Variants in ANK3 observed in about 807,000 individuals in gnomAD.
ANK3 encodes the protein ankyrin 3, also known as ankyrin-3.
ANK3 carries 57 observed loss-of-function variants against 370.9 expected under a neutral mutation model. The ratio of observed to expected loss-of-function variants is 0.15; its 90% CI spans 0.12 to 0.19. The LOEUF is 0.19. ANK3 is among the 10% of genes least tolerant of loss of function. ANK3 has a pLI of 1.00. For synonymous variants in ANK3, 1,929 were observed against 1,946.3 expected, an observed-to-expected ratio of 0.99 and a Z score of 0.23; for missense variants, 4,439 against 5,302.1, an observed-to-expected ratio of 0.84 and a Z score of 5.06.
intron 1 of ANK3, chr10:60,300,370 A>G (rs10994296): frequency 0.08 from 103,715 of 1,289,576 alleles, 6,409 homozygotes; most frequent in Admixed American, 0.3. Context: ...GTGGCCAAGT[A>G]AGAAACCTGA....
chr10:60,234,727 T>C lies in ANK3; in HGVS notation c.858A>G (p.Leu286=), dbSNP rs2097302549. 2.5e-6 allele frequency: 4 copies of C among 1,613,682 alleles called. No individual in the cohort carries two copies. In the Middle Eastern group the frequency reaches 5.0e-4, roughly 200 times the overall value. The change falls in exon 8 of 44, where the codon CTA becomes CTG. Residue 286 remains leucine (L), a synonymous_variant. Coordinates refer to ENST00000280772, the MANE Select transcript of ANK3 (RefSeq NM_020987.5). ...SKRGNANMVK[L]LLDRGAKIDA... is the part of the protein sequence containing the mutation. ...CGATTTTAGCTCCTCGATCGAGCAA[T>C]AGTTTTACCATATTTGCATTTCCTC...
intron 23 of ANK3, among the ~76,000 whole-genome samples, chr10:60,152,544 A>T (rs2095177735): frequency 6.6e-6 from 1 of 152,218 alleles, no homozygotes; most frequent in African/African-American, 2.4e-5. Context: ...CATATCACAC[A>T]GGACTTACTA....
intron 1 of ANK3, among the ~76,000 whole-genome samples, chr10:60,327,722 A>G (rs1033314481): frequency 6.6e-6 from 1 of 152,136 alleles, no homozygotes; most frequent in Admixed American, 6.6e-5. Context: ...TAAAACCTAA[A>G]AGATGCCCTT....
intron 1 of ANK3, among the ~76,000 whole-genome samples, chr10:60,350,418 A>G (rs1055918868): frequency 6.6e-6 from 1 of 152,204 alleles, no homozygotes; most frequent in Non-Finnish European, 1.5e-5. Context: ...AAGCTCAAGC[A>G]ATATGGGGTC....
intron 2 of ANK3, among the ~76,000 whole-genome samples, chr10:60,583,511 G>GTTTTTTTTTTTTTTTTTTTTTTTTTTT (rs750384975): frequency 2.0e-5 from 2 of 100,076 alleles, no homozygotes. Flanking sequence ...GAGGTTTTTT[G>GTTTTTTTTTTTTTTTTTTTTTTTTTTT]TTTTTTGTTT....
intron 2 of ANK3, among the ~76,000 whole-genome samples, chr10:60,534,435 G>C (rs551712158): frequency 9.8e-4 from 149 of 152,164 alleles, no homozygotes; most frequent in African/African-American, 3.4e-3. Context: ...CAACTACACG[G>C]TAAAAGATAA....
rs1279986156 is a variant in ANK3, at chr10:60,447,201, GGAA to G, written c.97-167565_97-167563del. ...AAGACTAGAGGGCTTCCCTCAGAGA[GGAA>G]GAAGAAGAAACCCCATAAGAAAAAT... is the stretch of plus-strand genomic sequence containing the variant. On this transcript the variant is annotated intron_variant, in intron 2 of 43. Transcript: ENST00000373827. Among the ~76,000 whole-genome samples the G allele has an allele frequency of 4.6e-5, 7 of 152,220 alleles. No individual in the cohort carries two copies. In the East Asian group the frequency reaches 1.2e-3, roughly 25 times the overall value.
chr10:60,027,105 A>C lies in ANK3; in HGVS notation c.*2741T>G, dbSNP rs1235383621. 1 of 152,114 alleles carries C rather than the reference A, an allele frequency of 6.6e-6. No individual in the cohort carries two copies. Among genetic ancestry groups the C allele is most frequent in the Non-Finnish European group, 1.5e-5 (1 of 68,024 alleles). The allele number at this position is 152,114 out of a possible 1,614,324, so 9.4% of individuals were successfully genotyped here. On this transcript the variant is annotated 3_prime_UTR_variant, in exon 44 of 44. Transcript: ENST00000280772. ...ACCAAAGCATATCACATATACCTAA[A>C]GTCAAATTTTTGGGCATATAAACAC... is the stretch of plus-strand genomic sequence containing the variant.
intron 1 of ANK3, among the ~76,000 whole-genome samples, chr10:60,344,828 T>G (rs2055060713): frequency 6.6e-6 from 1 of 152,220 alleles, no homozygotes; most frequent in African/African-American, 2.4e-5. Context: ...ATTCACTCTG[T>G]GATCTGCAAA....
chr10:60,410,405 G>C (rs2063535643), intron 2 of ANK3, among the ~76,000 whole-genome samples: 1 of 152,162 alleles, frequency 6.6e-6, no homozygotes, highest in South Asian at 2.1e-4. Flanking sequence ...TTGCTAATGT[G>C]TTCCATAGAG....
In ANK3 at chr10:60,261,874, C is replaced by T; in HGVS notation, c.783G>A (p.Val261=). ...ATLLLNRAAA[V]DFTARNDITP... ...GTGCTCTTACCCTTGCGGTGAAATC[C>T]ACAGCAGCCGCTCGGTTTAACAGCA... The change falls in exon 7 of 44, where the codon GTG becomes GTA. Residue 261 remains valine, a synonymous_variant. Coordinates refer to ENST00000280772, the MANE Select transcript of ANK3 (RefSeq NM_020987.5). 6.2e-7 allele frequency: 1 copy of T among 1,614,026 alleles called. No individual in the cohort carries two copies. Among genetic ancestry groups the T allele is most frequent in the Non-Finnish European group, 8.5e-7 (1 of 1,179,958 alleles).
chr10:60,250,587 G>A (rs140599620), intron 7 of ANK3, among the ~76,000 whole-genome samples: 107 of 152,166 alleles, frequency 7.0e-4, no homozygotes, highest in Middle Eastern at 3.4e-3. Context: ...GGATGGTCTC[G>A]ATCTCCTGAC....
chr10:60,113,008 C>A (rs1241932981), intron 26 of ANK3, among the ~76,000 whole-genome samples: 2 of 151,914 alleles, frequency 1.3e-5, no homozygotes, highest in Admixed American at 6.6e-5. Flanking sequence ...GTCAATTATC[C>A]CAAATTTGAA....
chr10:60,494,189 G>A (rs953688753), intron 2 of ANK3, among the ~76,000 whole-genome samples: 1 of 152,088 alleles, frequency 6.6e-6, no homozygotes, highest in African/African-American at 2.4e-5. Flanking sequence ...TTTAATGTAT[G>A]AGACTATTTG....
chr10:60,088,459 CTT>C (rs1374739489), intron 28 of ANK3, 101 bp from the exon 29 acceptor site: 13 of 1,062,586 alleles, frequency 1.2e-5, no homozygotes, highest in Middle Eastern at 3.1e-4. Context: ...GAGTTTCACT[CTT>C]GTTACCCAGG....
intron 2 of ANK3, among the ~76,000 whole-genome samples, chr10:60,415,436 T>C (rs1217162766): frequency 1.3e-5 from 2 of 152,094 alleles, no homozygotes. Flanking sequence ...ATGACATCAG[T>C]GGTCGTCCCC....
chr10:60,279,358 A>G (rs893289673), intron 2 of ANK3, among the ~76,000 whole-genome samples, 180 bp downstream of exon 2: 1 of 152,210 alleles, frequency 6.6e-6, no homozygotes, highest in Non-Finnish European at 1.5e-5. Context: ...TTTAGAAATT[A>G]ATTATTAAGG....
intron 42 of ANK3, among the ~76,000 whole-genome samples, chr10:60,054,934 TAC>T (rs1303383629): frequency 6.6e-6 from 1 of 152,174 alleles, no homozygotes. Context: ...CAGTTTAAAA[TAC>T]TTTTAATATC....
chr10:60,663,361 C>T lies in ANK3; in HGVS notation c.58-48137G>A, dbSNP rs553029162. Among the ~76,000 whole-genome samples the T allele has an allele frequency of 2.2e-4, 34 of 152,312 alleles. No homozygotes were observed. In the South Asian group the frequency reaches 6.6e-3, roughly 30 times the overall value. On this transcript the variant is annotated intron_variant, in intron 1 of 43. Coordinates refer to the ANK3 transcript ENST00000373827. ...TAATAGAAAGGGTCCCCAAGCCCCT[C>T]GTCTCTTGTTTCCACCCAAGCAGCT...
Sources: allele counts gnomAD v4.1 joint callset (sites outside exome capture counted in the v4.1 genomes callset), GRCh38; gene constraint gnomAD v4.1.1; transcripts MANE v1.5; gene names NCBI Gene and HGNC (gene_info 2026-07-23, HGNC 2026-07-21).